CLDN14: variants seen among roughly 807,000 people sequenced by gnomAD.
The protein encoded by CLDN14 is claudin 14.
CLDN14 carries 2 observed loss-of-function variants against 2.1 expected under a neutral mutation model. That is an observed-to-expected ratio of 0.96 (90% CI 0.39 to 3.01). CLDN14 has a LOEUF of 3.01. Ranked by LOEUF, CLDN14 falls within the 30% of genes most tolerant of loss-of-function variation. CLDN14 has a pLI of 0.09. For missense variants in CLDN14, 298 were observed against 328.0 expected, an observed-to-expected ratio of 0.91 and a Z score of 0.71; for synonymous variants, 136 against 154.4, an observed-to-expected ratio of 0.88 and a Z score of 0.88.
chr21:36,498,792 C>T lies in CLDN14; in HGVS notation c.-82+11571G>A, dbSNP rs148062127. 1.4e-4 allele frequency among the ~76,000 whole-genome samples: 22 copies of T among 152,310 alleles called. No homozygotes were observed. Among genetic ancestry groups the T allele is most frequent in the Non-Finnish European group, 2.6e-4 (18 of 68,022 alleles). ...GTTCAGGTCTGGGCCCCACTGGCTG[C>T]GTCTGCCTGGACACCATCAGCCCTG... On this transcript the variant is annotated intron_variant, in intron 2 of 2. Coordinates refer to the CLDN14 transcript ENST00000342108. This position sits in a 1 kb window ranked among gnomAD's most constrained non-coding sequence, Gnocchi z 4.9.
At chr21:36,533,961 A>G (rs539533362) in intron 1 of CLDN14, among the ~76,000 whole-genome samples, 1 of 152,316 alleles carries the variant, frequency 6.6e-6, no homozygotes, top group East Asian at 1.9e-4. Context: ...TACCTATATA[A>G]CCGACCTGCA....
intron 1 of CLDN14, among the ~76,000 whole-genome samples, chr21:36,549,585 G>A (rs2087549737): frequency 6.6e-6 from 1 of 152,182 alleles, no homozygotes; most frequent in African/African-American, 2.4e-5. Context: ...AGGGCCGGTG[G>A]GGCGAGAATT....
chr21:36,523,781 G>GAGAAAGAAAGAAAGAAAGAAAGAAAGAA (rs56772352), intron 1 of CLDN14, among the ~76,000 whole-genome samples: 15 of 38,280 alleles, frequency 3.9e-4, no homozygotes, highest in South Asian at 1.1e-3. Flanking sequence ...GAGAGAAAGA[G>GAGAAAGAAAGAAAGAAAGAAAGAAAGAA]AGAAAGAAAG....
At chr21:36,508,238 G>C (rs913501145) in intron 2 of CLDN14, among the ~76,000 whole-genome samples, 1 of 152,144 alleles carries the variant, frequency 6.6e-6, no homozygotes, top group African/African-American at 2.4e-5. Flanking sequence ...ACAGTTATGG[G>C]TAAAAGGTGT....
intron 1 of CLDN14, among the ~76,000 whole-genome samples, chr21:36,566,981 GT>G (rs1173010265): frequency 6.6e-6 from 1 of 152,240 alleles, no homozygotes; most frequent in Admixed American, 6.5e-5. Context: ...GGAGTGTCAA[GT>G]TTGGGATAAA....
At position 36,499,044 on chromosome 21, in the gene CLDN14, C is replaced by T. The variant is rs1297583412; in HGVS notation, c.-82+11319G>A. Among the ~76,000 whole-genome samples, 7 of 152,108 alleles carry T rather than the reference C, an allele frequency of 4.6e-5. No homozygotes were observed. In the South Asian group the frequency reaches 6.2e-4, roughly 14 times the overall value. On this transcript the variant is annotated intron_variant, in intron 2 of 2. Coordinates refer to the CLDN14 transcript ENST00000342108. The surrounding 1 kb of genome is among the most constrained non-coding windows in gnomAD (Gnocchi z 4.7). ...CAGTTTCAGGGCACATGACAATCAC[C>T]GATATGACAGAAGGGTAACCTTTCT... is the stretch of plus-strand genomic sequence containing the variant.
chr21:36,566,873 C>T lies in CLDN14; in HGVS notation c.-220+9538G>A, dbSNP rs1485713920. Among the ~76,000 whole-genome samples, 3 of 152,196 alleles carry T rather than the reference C, an allele frequency of 2.0e-5. No homozygotes were observed. In the East Asian group the frequency reaches 5.8e-4, roughly 29 times the overall value. On this transcript the variant is annotated intron_variant, in intron 1 of 2. Transcript: ENST00000342108. ...GTTCAGGACCATAAATCAGGGGGCT[C>T]ACGTTGATGGGTGAGGAGGCCGGAA...
rs2087528114 is a variant in CLDN14, at chr21:36,546,707, C to T, written c.-220+29704G>A. Among the ~76,000 whole-genome samples the T allele has an allele frequency of 3.3e-5, 5 of 152,228 alleles. No individual in the cohort carries two copies. In the South Asian group the frequency reaches 6.2e-4, roughly 19 times the overall value. Reference sequence around the variant, plus strand: ...CAAACATAATGAGTTCTTATGTATCCATCACCAAACTTCAATAATTTTCAA... The same window carrying T: ...CAAACATAATGAGTTCTTATGTATCTATCACCAAACTTCAATAATTTTCAA... On this transcript the variant is annotated intron_variant, in intron 1 of 2. Coordinates refer to the CLDN14 transcript ENST00000342108.
At chr21:36,494,655 G>A (rs1432145157) in intron 2 of CLDN14, among the ~76,000 whole-genome samples, 2 of 152,196 alleles carry the variant, frequency 1.3e-5, no homozygotes, top group African/African-American at 4.8e-5. Flanking sequence ...CTCCCAGGAA[G>A]GGGAGACGAG....
chr21:36,461,683 C>T lies in CLDN14; in HGVS notation c.13G>A (p.Ala5Thr). 3 of 1,552,112 alleles carry T rather than the reference C, an allele frequency of 1.9e-6. No individual in the cohort carries two copies. In the East Asian group the frequency reaches 7.3e-5, roughly 38 times the overall value. MAST[A>T]VQLLGFLLSF... ...AGCAGGAAGCCCAGAAGCTGCACGG[C>T]CGTGCTGGCCATGGTGCGGCTGCCT... Residue 5 changes from alanine to threonine, a missense_variant, in exon 2 of 2, where the codon GCC (alanine) becomes ACC (threonine). Ala to Thr is a moderately conservative substitution (Grantham distance 58). Transcript: ENST00000399135.
chr21:36,461,748 A>G lies in CLDN14; in HGVS notation c.-53T>C, dbSNP rs548165835. The stretch of plus-strand genomic sequence containing the variant: ...GGCAGCTCCCTGGGCCCTCGGGGTC[A>G]CGCCGCTCCTCAGGTGCCAGCCGGA... On this transcript the variant is annotated 5_prime_UTR_variant, in exon 2 of 2. Transcript: ENST00000399135. 6.5e-7 allele frequency: 1 copy of G among 1,537,910 alleles called. No homozygotes were observed. The highest frequency in any genetic ancestry group is 1.2e-5 in the South Asian group (1 of 83,652).
intron 1 of CLDN14, among the ~76,000 whole-genome samples, chr21:36,545,655 T>C (rs758419373): frequency 6.6e-6 from 1 of 152,228 alleles, no homozygotes; most frequent in Non-Finnish European, 1.5e-5. Flanking sequence ...TGAAATATGT[T>C]AGTATCTGCC....
chr21:36,541,494 A>C (rs2087487933), intron 1 of CLDN14, among the ~76,000 whole-genome samples: 1 of 152,214 alleles, frequency 6.6e-6, no homozygotes, highest in Admixed American at 6.5e-5. Flanking sequence ...CAAAAAGGGA[A>C]AGTTGAGTTT....
At chr21:36,539,871 T>C (rs772268485) in intron 1 of CLDN14, among the ~76,000 whole-genome samples, 22 of 149,254 alleles carry the variant, frequency 1.5e-4, no homozygotes, top group Non-Finnish European at 2.4e-4. Context: ...GTGTGCAGTA[T>C]GTCTGCAGAT....
chr21:36,501,332 C>CTTT lies in CLDN14; in HGVS notation c.-82+9028_-82+9030dup, dbSNP rs58458004. Among the ~76,000 whole-genome samples, 55 of 48,438 alleles carry CTTT rather than the reference C, an allele frequency of 1.1e-3. 9 individuals are homozygous for CTTT. The highest frequency in any genetic ancestry group is 2.5e-3 in the African/African-American group (44 of 17,612). 31.8% of individuals were successfully genotyped at this position (48,438 alleles called of 152,430 possible). A position where few individuals can be genotyped will look rare whatever the true frequency, so the allele number is the denominator to read the frequency against. Reference sequence around the variant, plus strand: ...AATGGGAGTTTCAGTCAATATCTCACTTTTTTTTTTTTTTTTTTTTTTTTT... The same window carrying CTTT: ...AATGGGAGTTTCAGTCAATATCTCACTTTTTTTTTTTTTTTTTTTTTTTTTTTT... On this transcript the variant is annotated intron_variant, in intron 2 of 2. Coordinates refer to the CLDN14 transcript ENST00000342108.
chr21:36,473,455 C>A (rs1211384042), intron 1 of CLDN14, among the ~76,000 whole-genome samples: 1 of 152,218 alleles, frequency 6.6e-6, no homozygotes, highest in Non-Finnish European at 1.5e-5. Context: ...ATAAATAGAT[C>A]TCTTTCTATA....
At chr21:36,514,618 AGAAAGTGTGT>A (rs200857720) in intron 1 of CLDN14, among the ~76,000 whole-genome samples, 2,285 of 135,250 alleles carry the variant, frequency 0.017, 35 homozygotes, top group Middle Eastern at 0.056. Flanking sequence ...TTATCGTGAG[AGAAAGTGTGT>A]GTGTGTGTGT....
upstream of CLDN14, among the ~76,000 whole-genome samples, chr21:36,482,404 GGATA>G (rs773654913): frequency 7.6e-6 from 1 of 131,206 alleles, no homozygotes; most frequent in South Asian, 2.5e-4. Context: ...ATGGATGGAT[GGATA>G]GACGGATGGA....
At chr21:36,507,067 G>A (rs2087140103) in intron 2 of CLDN14, among the ~76,000 whole-genome samples, 2 of 151,848 alleles carry the variant, frequency 1.3e-5, no homozygotes, top group Non-Finnish European at 2.9e-5. Context: ...AGGCTGCAGT[G>A]AGCTATGATC....
Sources: allele counts gnomAD v4.1 joint callset (sites outside exome capture counted in the v4.1 genomes callset), GRCh38; gene constraint gnomAD v4.1.1; non-coding constraint Gnocchi (gnomAD v3.1); transcripts MANE v1.5; gene names NCBI Gene and HGNC (gene_info 2026-07-23, HGNC 2026-07-21).